The following EFCAB11 variants were observed in gnomAD, a reference collection of about 807,000 sequenced individuals.
The protein encoded by EFCAB11 is EF-hand calcium-binding domain-containing protein 11.
EFCAB11 carries 14 observed loss-of-function variants against 23.0 expected under a neutral mutation model. The ratio of observed to expected loss-of-function variants is 0.61; its 90% CI spans 0.40 to 0.95. EFCAB11 has a LOEUF of 0.95. Among genes scored for constraint, EFCAB11 ranks in the 40% least tolerant of loss-of-function variants. EFCAB11 has a pLI of 0.00. For synonymous variants in EFCAB11, 65 were observed against 66.6 expected (o/e 0.98, Z 0.11); for missense variants, 198 against 195.8 (o/e 1.01, Z -0.07).
At chr14:89,801,782 T>G (rs1463724709) in intron 5 of EFCAB11, among the ~76,000 whole-genome samples, 1 of 151,972 alleles carries the variant, frequency 6.6e-6, no homozygotes, top group African/African-American at 2.4e-5. Flanking sequence ...TCACTGGAGG[T>G]CAGGAGTTCA....
intron 5 of EFCAB11, among the ~76,000 whole-genome samples, chr14:89,818,680 C>T (rs1233034625): frequency 3.9e-5 from 6 of 152,046 alleles, no homozygotes; most frequent in South Asian, 2.1e-4. Flanking sequence ...TCTCAAAACT[C>T]AATAATAAAG....
chr14:89,918,395 C>T (rs1057119293), intron 5 of EFCAB11, among the ~76,000 whole-genome samples: 4 of 151,716 alleles, frequency 2.6e-5, no homozygotes, highest in Non-Finnish European at 4.4e-5. Flanking sequence ...AAAAATTAGC[C>T]GGGCATGGTA....
intron 5 of EFCAB11, among the ~76,000 whole-genome samples, chr14:89,814,661 G>A (rs1398052482): frequency 9.9e-5 from 15 of 151,358 alleles, no homozygotes; most frequent in African/African-American, 2.9e-4. Context: ...CTGAGATCAC[G>A]CCATTGCACT....
chr14:89,915,144 G>T (rs1042749642), intron 5 of EFCAB11, among the ~76,000 whole-genome samples: 5 of 152,086 alleles, frequency 3.3e-5, no homozygotes, highest in Non-Finnish European at 7.4e-5. Context: ...ATTATCATTT[G>T]CTCCTCCACT....
intron 5 of EFCAB11, among the ~76,000 whole-genome samples, chr14:89,878,370 T>C (rs1456483781): frequency 6.6e-6 from 1 of 152,208 alleles, no homozygotes; most frequent in Non-Finnish European, 1.5e-5. Flanking sequence ...CTTTAGAAGC[T>C]ATTATTTATA....
chr14:89,869,036 T>C (rs1384215541), intron 5 of EFCAB11, among the ~76,000 whole-genome samples: 6 of 148,678 alleles, frequency 4.0e-5, no homozygotes, highest in Non-Finnish European at 5.9e-5. Flanking sequence ...ACCTCAACTC[T>C]ACAAAAAAAA....
At chr14:89,851,795 C>T (rs558750754) in intron 5 of EFCAB11, among the ~76,000 whole-genome samples, 49 of 152,170 alleles carry the variant, frequency 3.2e-4, no homozygotes, top group Admixed American at 1.5e-3. Flanking sequence ...TAAAGAGACG[C>T]GGGTCTAAGG....
At chr14:89,894,636 T>C (rs1169160867) in intron 5 of EFCAB11, among the ~76,000 whole-genome samples, 1 of 152,176 alleles carries the variant, frequency 6.6e-6, no homozygotes, top group Non-Finnish European at 1.5e-5. Context: ...CAAGACACTA[T>C]CACCCCTGTA....
chr14:89,847,900 G>A (rs944107149), intron 5 of EFCAB11, among the ~76,000 whole-genome samples: 1 of 152,168 alleles, frequency 6.6e-6, no homozygotes, highest in Non-Finnish European at 1.5e-5. Flanking sequence ...GGTTCAGAAT[G>A]AGAGCAATCA....
intron 5 of EFCAB11, chr14:89,848,645 G>A (rs990057214): frequency 1.3e-5 from 2 of 152,302 alleles, no homozygotes; most frequent in African/African-American, 4.8e-5. Flanking sequence ...ATCTGGTTGA[G>A]TCCGGGCACA....
chr14:89,833,729 C>T (rs1359086247), intron 5 of EFCAB11, among the ~76,000 whole-genome samples: 1 of 152,098 alleles, frequency 6.6e-6, no homozygotes, highest in Admixed American at 6.6e-5. Context: ...ATGTTCTTTT[C>T]AATAATCATG....
At chr14:89,881,832 A>G (rs1888611997) in intron 5 of EFCAB11, among the ~76,000 whole-genome samples, 1 of 152,176 alleles carries the variant, frequency 6.6e-6, no homozygotes, top group African/African-American at 2.4e-5. Flanking sequence ...CCTTCATTAA[A>G]GAGTAAAGGT....
chr14:89,794,783 ATTTTAGAATAG>A lies in EFCAB11; in HGVS notation c.*2449_*2459del, dbSNP rs947473809. The A allele has an allele frequency of 3.6e-4, 54 of 152,112 alleles. No individual in the cohort carries two copies. Among genetic ancestry groups the A allele is most frequent in the Admixed American group, 6.5e-4 (10 of 15,274 alleles). 9.4% of individuals were successfully genotyped at this position (152,112 alleles called of 1,614,324 possible). On this transcript the variant is annotated 3_prime_UTR_variant, in exon 6 of 6. Transcript: ENST00000316738. ...ACTTTATTTTTTAAATGAATTTTTA[ATTTTAGAATAG>A]TTTTAGATTTATAGAAAAATTGTGA...
rs1170030527 is a variant in EFCAB11 at position 89,891,952 on chromosome 14, G to A, written c.410+39589C>T. 2.6e-5 allele frequency among the ~76,000 whole-genome samples: 4 copies of A among 152,086 alleles called. No individual in the cohort carries two copies. In the East Asian group the frequency reaches 7.7e-4, roughly 29 times the overall value. ...TGGGCGCCGAGTGCTACCGCCGCGC[G>A]CTGCAGCTGCGGGCTGGGCCGCGGG... On this transcript the variant is annotated intron_variant, in intron 5 of 5. Transcript: ENST00000316738.
At chr14:89,805,988 T>G (rs1885956553) in intron 5 of EFCAB11, among the ~76,000 whole-genome samples, 1 of 152,236 alleles carries the variant, frequency 6.6e-6, no homozygotes, top group Non-Finnish European at 1.5e-5. Flanking sequence ...AGCTCTGCAA[T>G]CTAAAGAGTA....
intron 2 of EFCAB11, chr14:89,952,384 G>C (rs942394165): frequency 1.0e-6 from 1 of 985,212 alleles, no homozygotes; most frequent in African/African-American, 1.7e-5. Context: ...AATGAGACAA[G>C]ATACCTTTCC....
At chr14:89,861,812 A>C (rs1025127150) in intron 5 of EFCAB11, among the ~76,000 whole-genome samples, 4 of 151,964 alleles carry the variant, frequency 2.6e-5, no homozygotes, top group Admixed American at 2.0e-4. Flanking sequence ...GTTATGATGC[A>C]GCAAGATGGT....
At chr14:89,949,254 T>C (rs973843042) in intron 3 of EFCAB11, among the ~76,000 whole-genome samples, 1 of 152,058 alleles carries the variant, frequency 6.6e-6, no homozygotes, top group African/African-American at 2.4e-5. Context: ...TCTCTATATA[T>C]ACACCTACAA....
chr14:89,931,363 C>T (rs771600358), intron 5 of EFCAB11, 178 bp downstream of exon 5: 316 of 593,994 alleles, frequency 5.3e-4, no homozygotes, highest in Middle Eastern at 8.7e-4. Context: ...CTGTCAGGGG[C>T]ATGGAAGGAC....
Sources: allele counts gnomAD v4.1 joint callset (sites outside exome capture counted in the v4.1 genomes callset), GRCh38; gene constraint gnomAD v4.1.1; transcripts MANE v1.5; gene names NCBI Gene and HGNC (gene_info 2026-07-23, HGNC 2026-07-21).